The following ACAP2 variants were observed in gnomAD, a reference collection of about 807,000 sequenced individuals.
ACAP2 encodes the protein ArfGAP with coiled-coil, ankyrin repeat and PH domains 2.
ACAP2 carries 39 observed loss-of-function variants against 115.8 expected under a neutral mutation model. That is an observed-to-expected ratio of 0.34 (90% CI 0.26 to 0.44). The LOEUF is 0.44. ACAP2 is among the 20% of genes least tolerant of loss of function. ACAP2 has a pLI of 1.00. For missense variants in ACAP2, 662 were observed against 927.6 expected (o/e 0.71, Z 3.72); for synonymous variants, 289 against 315.8 (o/e 0.92, Z 0.90).
intron 1 of ACAP2, among the ~76,000 whole-genome samples, chr3:195,437,642 C>T (rs1365399119): frequency 2.6e-5 from 4 of 151,606 alleles, no homozygotes; most frequent in African/African-American, 7.3e-5. Flanking sequence ...AGTGAAACCC[C>T]GTCTCTACTA....
chr3:195,375,145 T>C (rs1733437547), intron 4 of ACAP2, among the ~76,000 whole-genome samples: 1 of 151,586 alleles, frequency 6.6e-6, no homozygotes, highest in African/African-American at 2.4e-5. Flanking sequence ...TGAGCTAAGA[T>C]CGCACCACTG....
chr3:195,434,243 TG>T (rs1577479414), intron 1 of ACAP2, among the ~76,000 whole-genome samples: 1 of 152,022 alleles, frequency 6.6e-6, no homozygotes, highest in African/African-American at 2.4e-5. Flanking sequence ...TTTGTTTTTT[TG>T]TTTTTTGAGA....
rs746766505 is a variant in ACAP2, at chr3:195,432,838, T to C, written c.53+9957A>G. ...TGAACATGGGATGTATTTCCATTTA[T>C]TCAGGTCTTTAATGTCTTTCAATGG... On this transcript the variant is annotated intron_variant, in intron 1 of 22. Transcript: ENST00000326793. Among the ~76,000 whole-genome samples, 289 of 152,248 alleles carry C rather than the reference T, an allele frequency of 1.9e-3. 9 individuals carry two copies. Among genetic ancestry groups the C allele is most frequent in the African/African-American group, 1.7e-3 (71 of 41,476 alleles).
intron 10 of ACAP2, among the ~76,000 whole-genome samples, chr3:195,310,222 C>A (rs1287494077): frequency 2.0e-5 from 3 of 152,094 alleles, no homozygotes; most frequent in African/African-American, 7.2e-5. Flanking sequence ...ACTAGACAGA[C>A]TTAGGTTTTC....
At chr3:195,363,556 G>C (rs1413175919) in intron 4 of ACAP2, among the ~76,000 whole-genome samples, 1 of 150,102 alleles carries the variant, frequency 6.7e-6, no homozygotes, top group Non-Finnish European at 1.5e-5. Flanking sequence ...AAAAGTAAAA[G>C]AAAAATACCA....
Position 195,302,121 on chromosome 3 carries a change from C to T in ACAP2, c.1170G>A (p.Glu390=), listed in dbSNP as rs1728100289. 3 of 1,614,064 alleles carry T rather than the reference C, an allele frequency of 1.9e-6. No homozygotes were observed. Among genetic ancestry groups the T allele is most frequent in the African/African-American group, 1.3e-5 (1 of 75,014 alleles). Residue 390 remains glutamate, a synonymous_variant, in exon 14 of 23, where the codon GAG becomes GAA. Transcript: ENST00000326793. ...CTCCTTTCAATAATTTCTCTTTGGA[C>T]TCATTTCCAGAATCTAGGCTTCCTG... ...PSTGSLDSGN[E]SKEKLLKGES...
intron 15 of ACAP2, among the ~76,000 whole-genome samples, chr3:195,297,576 A>G (rs1341607103): frequency 6.6e-6 from 1 of 152,196 alleles, no homozygotes; most frequent in Non-Finnish European, 1.5e-5. Context: ...TATCACAGCT[A>G]TTGTATCTAT....
chr3:195,417,115 A>G (rs1236922653), intron 1 of ACAP2, among the ~76,000 whole-genome samples: 2 of 121,848 alleles, frequency 1.6e-5, no homozygotes, highest in African/African-American at 6.7e-5. Context: ...TACTTTTTGC[A>G]GTGAGTGGGT....
intron 1 of ACAP2, among the ~76,000 whole-genome samples, chr3:195,416,819 C>G (rs1713770378): frequency 6.6e-6 from 1 of 152,166 alleles, no homozygotes; most frequent in Non-Finnish European, 1.5e-5. Context: ...AAGAGCAGCT[C>G]TTTCAACTTA....
intron 2 of ACAP2, among the ~76,000 whole-genome samples, chr3:195,383,518 T>C (rs1179114618): frequency 1.7e-4 from 26 of 151,664 alleles, no homozygotes; most frequent in Non-Finnish European, 8.8e-5. Flanking sequence ...AAGTTAATTA[T>C]AGATAAAGAT....
intron 22 of ACAP2, among the ~76,000 whole-genome samples, chr3:195,281,196 G>A (rs1161475951): frequency 6.6e-6 from 1 of 152,160 alleles, no homozygotes; most frequent in African/African-American, 2.4e-5. Flanking sequence ...ACGAGGTCAG[G>A]AGATGGAGAC....
chr3:195,295,339 T>C (rs1235017509), intron 17 of ACAP2: 26 of 1,228,736 alleles, frequency 2.1e-5, no homozygotes, highest in Non-Finnish European at 2.8e-5. Context: ...AAGCAGGCCA[T>C]AAGAAGGGAA....
chr3:195,378,783 C>A (rs1204731921), intron 4 of ACAP2, among the ~76,000 whole-genome samples: 1 of 151,590 alleles, frequency 6.6e-6, no homozygotes, highest in Non-Finnish European at 1.5e-5. Flanking sequence ...ATCACCTGAA[C>A]CCGGGAGGCG....
At chr3:195,372,987 C>CAAAAAAAAAA (rs869134113) in intron 4 of ACAP2, among the ~76,000 whole-genome samples, 2 of 17,778 alleles carry the variant, frequency 1.1e-4, no homozygotes, top group Non-Finnish European at 2.8e-4. Flanking sequence ...GACTCCATCT[C>CAAAAAAAAAA]AAAAAAAAAA....
chr3:195,429,024 T>C (rs1714904793), intron 1 of ACAP2, among the ~76,000 whole-genome samples: 1 of 152,170 alleles, frequency 6.6e-6, no homozygotes, highest in African/African-American at 2.4e-5. Flanking sequence ...GGAAGCAATC[T>C]ATCCATCATC....
At chr3:195,337,662 G>T (rs538141244) in intron 6 of ACAP2, among the ~76,000 whole-genome samples, 1 of 152,026 alleles carries the variant, frequency 6.6e-6, no homozygotes, top group Non-Finnish European at 1.5e-5. Flanking sequence ...TGGTCGGGCT[G>T]GTCTTAACTC....
chr3:195,324,073 A>T (rs1054904323), intron 9 of ACAP2, among the ~76,000 whole-genome samples: 2 of 152,212 alleles, frequency 1.3e-5, no homozygotes, highest in Non-Finnish European at 2.9e-5. Flanking sequence ...AATGAAAAAT[A>T]AAAATGAAAT....
intron 8 of ACAP2, among the ~76,000 whole-genome samples, chr3:195,330,953 C>A (rs1290019168): frequency 6.6e-6 from 1 of 152,148 alleles, no homozygotes; most frequent in Admixed American, 6.5e-5. Flanking sequence ...GAGGTAGAAT[C>A]AAAAAACATA....
chr3:195,289,769 G>A (rs1727116617), intron 20 of ACAP2, among the ~76,000 whole-genome samples: 1 of 141,012 alleles, frequency 7.1e-6, no homozygotes, highest in South Asian at 2.2e-4. Flanking sequence ...TCACACCACT[G>A]CACTCCAGCC....
Sources: gnomAD v4.1 joint callset for allele counts (sites outside exome capture counted in the v4.1 genomes callset) on GRCh38, gnomAD v4.1.1 for gene constraint, MANE v1.5 for transcripts, NCBI Gene and HGNC (gene_info 2026-07-23, HGNC 2026-07-21) for gene names.